AHI1: variants seen among roughly 807,000 people sequenced by gnomAD.
AHI1 encodes jouberin.
AHI1 carries 123 observed loss-of-function variants against 149.3 expected under a neutral mutation model. That is an observed-to-expected ratio of 0.82 (90% confidence interval 0.71 to 0.96). AHI1 has a LOEUF of 0.96. Ranked by LOEUF, AHI1 falls within the 40% of genes least tolerant of loss-of-function variation. AHI1 has a pLI of 0.00. For synonymous variants in AHI1, 475 were observed against 459.8 expected, an observed-to-expected ratio of 1.03 and a Z score of -0.42; for missense variants, 1,439 against 1,422.7, an observed-to-expected ratio of 1.01 and a Z score of -0.18.
chr6:135,290,588 T>G, intron 27 of AHI1, 63 bp from the exon 28 acceptor site: 4 of 1,571,498 alleles, frequency 2.5e-6, no homozygotes, highest in Non-Finnish European at 3.5e-6. Flanking sequence ...AAAGCTCAGA[T>G]GAGGCTTTGA....
In AHI1 at chr6:135,490,775, G is replaced by C. The variant is rs925366080; in HGVS notation, c.11-28C>G. The C allele has an allele frequency of 3.7e-6, 6 of 1,608,718 alleles. No individual in the cohort carries two copies. In the African/African-American group the frequency reaches 8.0e-5, roughly 22 times the overall value. On this transcript the variant is annotated intron_variant, in intron 4 of 28. Coordinates refer to ENST00000265602, the MANE Select transcript of AHI1 (RefSeq NM_001134831.2). Reference sequence around the variant, plus strand: ...ACAAAAGATACAGCCATGTGATTTTGTAAATGACTCTATCATAACACACAA... The same window carrying C: ...ACAAAAGATACAGCCATGTGATTTTCTAAATGACTCTATCATAACACACAA...
chr6:135,364,909 G>GAGAGGA (rs1032402304), intron 23 of AHI1, among the ~76,000 whole-genome samples: 9 of 150,042 alleles, frequency 6.0e-5, no homozygotes, highest in South Asian at 2.1e-4. Context: ...AGACCGTGGG[G>GAGAGGA]AGAGGAAGAG....
intron 23 of AHI1, among the ~76,000 whole-genome samples, chr6:135,364,106 C>A (rs945334993): frequency 2.0e-5 from 3 of 151,624 alleles, no homozygotes; most frequent in Admixed American, 2.0e-4. Flanking sequence ...GAGGTGGCTG[C>A]CGGGCGGAGA....
At chr6:135,388,974 T>C (rs1225977387) in intron 23 of AHI1, among the ~76,000 whole-genome samples, 2 of 150,390 alleles carry the variant, frequency 1.3e-5, no homozygotes, top group Non-Finnish European at 2.9e-5. Context: ...ACCGCGCCAC[T>C]GCACTCCAGC....
At chr6:135,286,067 G>A (rs1229431148) in intron 28 of AHI1, among the ~76,000 whole-genome samples, 1 of 152,210 alleles carries the variant, frequency 6.6e-6, no homozygotes, top group Non-Finnish European at 1.5e-5. Context: ...GAAGGATACA[G>A]ATAATTTTAT....
At chr6:135,301,010 C>A (rs932179784) in intron 26 of AHI1, 6 of 984,522 alleles carry the variant, frequency 6.1e-6, no homozygotes, top group Non-Finnish European at 7.2e-6. Context: ...CTCTTTAAAT[C>A]TACAAAATGT....
chr6:135,346,992 T>A (rs1791330254), intron 24 of AHI1, among the ~76,000 whole-genome samples: 1 of 152,186 alleles, frequency 6.6e-6, no homozygotes. Flanking sequence ...GAAGTGCCCC[T>A]CTTCCCAGGA....
chr6:135,332,188 G>T (rs1293144673), intron 24 of AHI1, among the ~76,000 whole-genome samples: 2 of 151,622 alleles, frequency 1.3e-5, no homozygotes, highest in Non-Finnish European at 2.9e-5. Context: ...TCCTGCCTCA[G>T]CCTCCTGAGT....
At chr6:135,432,944 A>G (rs1404791354) in intron 16 of AHI1, 83 bp downstream of exon 16, 13 of 1,016,278 alleles carry the variant, frequency 1.3e-5, no homozygotes, top group Non-Finnish European at 1.7e-5. Flanking sequence ...TCAGTACATA[A>G]CCCTCTCAAG....
intron 1 of AHI1, 128 bp downstream of exon 1, chr6:135,497,455 G>A (rs1450656648): frequency 6.6e-6 from 1 of 152,224 alleles, no homozygotes; most frequent in East Asian, 1.9e-4. Context: ...CACGCTCGTC[G>A]GTCACTACGC....
chr6:135,357,217 G>C (rs527902145), intron 24 of AHI1, among the ~76,000 whole-genome samples: 1 of 152,178 alleles, frequency 6.6e-6, no homozygotes, highest in Admixed American at 6.5e-5. Context: ...GATTACAGGC[G>C]TGAGCCACTG....
chr6:135,461,261 T>A (rs945142444), intron 8 of AHI1, among the ~76,000 whole-genome samples: 7 of 152,034 alleles, frequency 4.6e-5, no homozygotes, highest in African/African-American at 1.7e-4. Flanking sequence ...TGCAGACAAC[T>A]TGAATATATT....
chr6:135,326,370 AC>A (rs1327279895), intron 24 of AHI1, among the ~76,000 whole-genome samples: 3 of 152,182 alleles, frequency 2.0e-5, no homozygotes, highest in Non-Finnish European at 4.4e-5. Flanking sequence ...CTGTGCTAGC[AC>A]CTTGATCTTG....
intron 20 of AHI1, 97 bp downstream of exon 20, chr6:135,427,070 T>G: frequency 8.1e-7 from 1 of 1,233,774 alleles, no homozygotes; most frequent in East Asian, 2.5e-5. Flanking sequence ...TTATTATGTG[T>G]ACTTTTGTCA....
At chr6:135,296,169 A>C (rs1251098958) in intron 27 of AHI1, among the ~76,000 whole-genome samples, 2 of 152,124 alleles carry the variant, frequency 1.3e-5, no homozygotes, top group African/African-American at 4.8e-5. Flanking sequence ...TTTATTTTAT[A>C]TCAAGTGTAT....
intron 27 of AHI1, among the ~76,000 whole-genome samples, chr6:135,297,649 C>T (rs756887598): frequency 1.3e-5 from 2 of 151,926 alleles, no homozygotes; most frequent in Non-Finnish European, 1.5e-5. Flanking sequence ...TGAGGTCACA[C>T]ACATGACAAT....
At chr6:135,316,905 AC>A (rs1562487667) in intron 26 of AHI1, among the ~76,000 whole-genome samples, 1 of 152,074 alleles carries the variant, frequency 6.6e-6, no homozygotes. Flanking sequence ...ATCATATCTT[AC>A]TCTGCAAGGA....
chr6:135,462,564 TAC>T lies in AHI1; in HGVS notation c.931+559_931+560del, dbSNP rs1337121192. ...AAATCCTCTATGACCCAATAGCAAC[TAC>T]AAAGTCAGTATCATTTTAGAGTTGA... On this transcript the variant is annotated intron_variant, in intron 8 of 28. Transcript: ENST00000265602. 2.0e-5 allele frequency among the ~76,000 whole-genome samples: 3 copies of T among 152,134 alleles called. No individual in the cohort carries two copies. In the East Asian group the frequency reaches 5.8e-4, roughly 29 times the overall value.
At chr6:135,492,487 G>A in intron 3 of AHI1, 196 bp from the exon 4 acceptor site, 1 of 1,198,354 alleles carries the variant, frequency 8.3e-7, no homozygotes, top group Non-Finnish European at 1.0e-6. Context: ...AAAATCAAGG[G>A]AAACAAACTA....
Sources: allele counts gnomAD v4.1 joint callset (sites outside exome capture counted in the v4.1 genomes callset), GRCh38; gene constraint gnomAD v4.1.1; transcripts MANE v1.5; gene names NCBI Gene and HGNC (gene_info 2026-07-23, HGNC 2026-07-21).